NUP88: variants seen among roughly 807,000 people sequenced by gnomAD.
The protein encoded by NUP88 is nuclear pore complex protein Nup88.
In NUP88, 57 loss-of-function variants were observed where a neutral mutation model predicts 93.9. The observed-to-expected ratio is 0.61, with a 90% CI of 0.49 to 0.76. The LOEUF (loss-of-function observed/expected upper bound fraction) is 0.76, where lower values mean the gene tolerates loss of function less well. NUP88 is among the 30% of genes least tolerant of loss of function. NUP88 has a pLI of 0.00. For missense variants in NUP88, 911 were observed against 901.0 expected (o/e 1.01, Z -0.14); for synonymous variants, 346 against 336.8 (o/e 1.03, Z -0.30).
chr17:5,387,690 TAG>T lies in NUP88; in HGVS notation c.1770-22_1770-21del, dbSNP rs1214431157. 5 of 1,609,550 alleles carry T rather than the reference TAG, an allele frequency of 3.1e-6. No homozygotes were observed. The highest frequency in any genetic ancestry group is 1.7e-4 in the Middle Eastern group (1 of 6,028). ...TTGACCCTTTAAAAACAAAAAGAAA[TAG>T]AGTTTATTCAGAAGCCAGGTCTAGG... On this transcript the variant is annotated intron_variant, in intron 12 of 16. Transcript: ENST00000573584.
chr17:5,398,119 A>T (rs1057300652), intron 8 of NUP88, among the ~76,000 whole-genome samples: 1 of 139,798 alleles, frequency 7.2e-6, no homozygotes, highest in African/African-American at 2.6e-5. Context: ...CACCATTTTG[A>T]CCAGGTTGGT....
chr17:5,397,176 C>A (rs993820856), intron 8 of NUP88, among the ~76,000 whole-genome samples: 3 of 151,908 alleles, frequency 2.0e-5, no homozygotes, highest in Admixed American at 6.6e-5. Flanking sequence ...CCCATCTCTA[C>A]AAAAAACACA....
chr17:5,401,439 T>C (rs75539528), intron 7 of NUP88, among the ~76,000 whole-genome samples: 239 of 152,072 alleles, frequency 1.6e-3, no homozygotes, highest in African/African-American at 5.4e-3. Context: ...AGAGATAAGG[T>C]ATATATTAAA....
intron 13 of NUP88, 45 bp downstream of exon 13, chr17:5,387,560 C>T: frequency 1.9e-6 from 3 of 1,596,760 alleles, no homozygotes; most frequent in South Asian, 2.2e-5. Context: ...GAATATGGTT[C>T]CAGTCTTACT....
intron 13 of NUP88, 57 bp downstream of exon 13, chr17:5,387,548 G>A (rs756319363): frequency 2.5e-6 from 4 of 1,593,702 alleles, no homozygotes; most frequent in Non-Finnish European, 3.4e-6. Context: ...ATCTTAGGGT[G>A]AGAATATGGT....
Position 5,394,949 on chromosome 17 carries a change from A to G in NUP88, c.1324T>C (p.Ser442Pro), listed in dbSNP as rs753759158. 6.2e-6 allele frequency: 10 copies of G among 1,613,178 alleles called. No individual in the cohort carries two copies. The highest frequency in any genetic ancestry group is 8.5e-6 in the Non-Finnish European group (10 of 1,179,064). Residue 442 changes from serine (S) to proline (P), a missense_variant, in exon 9 of 17, where the codon TCT becomes CCT. Ser to Pro is a moderately conservative substitution (Grantham distance 74). Coordinates refer to ENST00000573584, the MANE Select transcript of NUP88 (RefSeq NM_002532.6). ...TCAACAAAGCATTTCTGTTCTGTAG[A>G]GAGTTCCTGTAAACTATCCTTATCT... ...EEDKDSLQEL[S>P]TEQKCFVEHI... is the part of the protein sequence containing the mutation.
chr17:5,409,099 T>G (rs1164047966), intron 4 of NUP88, among the ~76,000 whole-genome samples, 190 bp from the exon 5 acceptor site: 1 of 152,080 alleles, frequency 6.6e-6, no homozygotes, highest in African/African-American at 2.4e-5. Context: ...CTCAGCTGGG[T>G]GCAGTGGCTC....
Position 5,388,895 on chromosome 17 carries a change from G to C in NUP88, c.1550C>G (p.Ser517Cys). Residue 517 changes from serine (S) to cysteine (C), a missense_variant, in exon 11 of 17, where the codon TCT becomes TGT. Transcript: ENST00000573584. ...GGTTTCAGCCAGAACACGGAGGGGA[G>C]ACTCTGCCACTTCAACATCTTCTCG... ...CTREDVEVAE[S>C]PLRVLAETPD... 6.2e-7 allele frequency: 1 copy of C among 1,614,048 alleles called. No individual in the cohort carries two copies. The highest frequency in any genetic ancestry group is 2.2e-5 in the East Asian group (1 of 44,870).
At chr17:5,408,603 G>T in intron 5 of NUP88, 130 bp downstream of exon 5, 1 of 637,624 alleles carries the variant, frequency 1.6e-6, no homozygotes, top group Non-Finnish European at 2.6e-6. Context: ...TCAAAAATAT[G>T]CAAGCCAAGC....
intron 8 of NUP88, 106 bp from the exon 9 acceptor site, chr17:5,395,087 T>C (rs1259463249): frequency 5.5e-6 from 4 of 720,936 alleles, no homozygotes; most frequent in Middle Eastern, 2.9e-4. Flanking sequence ...TCTGAAAACA[T>C]TGCTTCTCAA....
chr17:5,388,125 C>T (rs1175014875), intron 11 of NUP88: 6 of 341,664 alleles, frequency 1.8e-5, no homozygotes, highest in East Asian at 5.6e-5. Flanking sequence ...CTCAGCCTCT[C>T]GAGTAGCTGG....
intron 1 of NUP88, 82 bp from the exon 2 acceptor site, chr17:5,416,764 T>G: frequency 9.5e-7 from 1 of 1,054,122 alleles, no homozygotes; most frequent in Non-Finnish European, 1.4e-6. Flanking sequence ...CAGTAATACT[T>G]AGTTTACTAC....
At chr17:5,388,388 C>G (rs552602828) in intron 11 of NUP88, 1 of 161,396 alleles carries the variant, frequency 6.2e-6, no homozygotes, top group Non-Finnish European at 1.4e-5. Context: ...CAGGTTCAAG[C>G]GGTTCTCCTG....
intron 8 of NUP88, among the ~76,000 whole-genome samples, chr17:5,396,982 A>C (rs1356185183): frequency 6.6e-6 from 1 of 152,170 alleles, no homozygotes; most frequent in East Asian, 1.9e-4. Flanking sequence ...TTATCACACA[A>C]ATATTTTCTC....
chr17:5,396,232 T>C (rs1244185835), intron 8 of NUP88, among the ~76,000 whole-genome samples: 3 of 152,076 alleles, frequency 2.0e-5, no homozygotes, highest in African/African-American at 4.8e-5. Flanking sequence ...TGTATACCTA[T>C]CATTAACAAT....
intron 1 of NUP88, among the ~76,000 whole-genome samples, chr17:5,417,549 A>G (rs1028167872): frequency 3.3e-5 from 5 of 152,224 alleles, no homozygotes; most frequent in Non-Finnish European, 7.3e-5. Context: ...TCTAGAAAAG[A>G]AGACAGAGGC....
intron 4 of NUP88, 100 bp downstream of exon 4, chr17:5,410,603 T>A (rs1913779653): frequency 1.4e-6 from 1 of 709,376 alleles, no homozygotes. Flanking sequence ...ACCAAAAGCA[T>A]GCTAGTCACC....
chr17:5,404,090 A>T lies in NUP88; in HGVS notation c.1192+9T>A. The T allele has an allele frequency of 3.7e-6, 6 of 1,612,232 alleles. No homozygotes were observed. Among genetic ancestry groups the T allele is most frequent in the Non-Finnish European group, 5.1e-6 (6 of 1,178,818 alleles). On this transcript the variant is annotated intron_variant, in intron 7 of 16. Coordinates refer to ENST00000573584, the MANE Select transcript of NUP88 (RefSeq NM_002532.6). ...GGGAAAAAAGCACTACATTTATTGA[A>T]GAGCTTACCTCTATGAAGTTTGACT... is the stretch of plus-strand genomic sequence containing the variant.
Position 5,384,992 on chromosome 17 carries a change from C to G in NUP88, c.*1214G>C, listed in dbSNP as rs1911828847. 3.1e-5 allele frequency: 7 copies of G among 228,654 alleles called. No individual in the cohort carries two copies. The South Asian group carries it at 1.3e-3, about 42-fold the overall frequency. The allele number at this position is 228,654 out of a possible 1,614,324, so 14.2% of individuals were successfully genotyped here. A position where few individuals can be genotyped will look rare whatever the true frequency, so the allele number is the denominator to read the frequency against. ...GCAATTCACAGCCTTTCTGAACTGA[C>G]TGAACTAGAGCTTGCAGTGAAGTGT... On this transcript the variant is annotated 3_prime_UTR_variant, in exon 17 of 17. Coordinates refer to ENST00000573584, the MANE Select transcript of NUP88 (RefSeq NM_002532.6).
Sources: gnomAD v4.1 joint callset for allele counts (sites outside exome capture counted in the v4.1 genomes callset) on GRCh38, gnomAD v4.1.1 for gene constraint, MANE v1.5 for transcripts, NCBI Gene and HGNC (gene_info 2026-07-23, HGNC 2026-07-21) for gene names.